RASGRP3: variants seen among roughly 807,000 people sequenced by gnomAD.
RASGRP3 encodes the protein RAS guanyl releasing protein 3.
A neutral mutation model predicts 82.7 loss-of-function variants in RASGRP3; 54 were observed. The observed-to-expected ratio is 0.65, with a 90% CI of 0.52 to 0.82. The LOEUF is 0.82. Among genes scored for constraint, RASGRP3 ranks in the 40% least tolerant of loss-of-function variants. RASGRP3 has a pLI of 0.00. For synonymous variants in RASGRP3, 309 were observed against 300.5 expected (o/e 1.03, Z -0.29); for missense variants, 861 against 828.9 (o/e 1.04, Z -0.48).
At chr2:33,558,384 T>G in intron 16 of RASGRP3, 48 bp downstream of exon 16, 1 of 1,610,958 alleles carries the variant, frequency 6.2e-7, no homozygotes, top group Non-Finnish European at 8.5e-7. Context: ...TCTGCTTGCC[T>G]CCTCACACTT....
chr2:33,456,483 T>C (rs1290343836), intron 2 of RASGRP3, among the ~76,000 whole-genome samples: 1 of 152,224 alleles, frequency 6.6e-6, no homozygotes, highest in African/African-American at 2.4e-5. Context: ...ACATACTTGA[T>C]TTAACAAAGT....
chr2:33,442,374 T>C (rs1274178951), intron 1 of RASGRP3, among the ~76,000 whole-genome samples: 1 of 152,078 alleles, frequency 6.6e-6, no homozygotes, highest in East Asian at 1.9e-4. Flanking sequence ...GAAAAAAAAT[T>C]TCTGGTTGGT....
In RASGRP3 at chr2:33,516,617, C is replaced by T; in HGVS notation, c.146C>T (p.Thr49Ile). 1 of 1,584,164 alleles carries T rather than the reference C, an allele frequency of 6.3e-7. No individual in the cohort carries two copies. Among genetic ancestry groups the T allele is most frequent in the East Asian group, 2.2e-5 (1 of 44,482 alleles). Reference sequence around the variant, plus strand: ...ATGCACCGATGGTATTTATCTTCCACTGAATTGGCAGAAAAACTTCTCTGC... The same window carrying T: ...ATGCACCGATGGTATTTATCTTCCATTGAATTGGCAGAAAAACTTCTCTGC... ...LLMHRWYLSS[T>I]ELAEKLLCMY... The change falls in exon 4 of 18, where the codon ACT becomes ATT. Residue 49 changes from threonine (T) to isoleucine (I), a missense_variant. Thr to Ile is a moderately conservative substitution (Grantham distance 89). Transcript: ENST00000403687.
At chr2:33,473,921 C>T (rs1574278082), upstream of RASGRP3, among the ~76,000 whole-genome samples, 1 of 152,204 alleles carries the variant, frequency 6.6e-6, no homozygotes. Flanking sequence ...AACTGTTCCA[C>T]CTCAGATCAT....
At chr2:33,533,414 T>C (rs1395854717) in intron 10 of RASGRP3, 1 of 152,176 alleles carries the variant, frequency 6.6e-6, no homozygotes, top group Non-Finnish European at 1.5e-5. Flanking sequence ...AGTAATAATA[T>C]AACTAATAAC....
chr2:33,490,694 C>A (rs2150958221), intron 1 of RASGRP3, among the ~76,000 whole-genome samples: 1 of 152,282 alleles, frequency 6.6e-6, no homozygotes, highest in Non-Finnish European at 1.5e-5. Flanking sequence ...TACTTTCTTC[C>A]AGAGCGATCT....
intron 11 of RASGRP3, among the ~76,000 whole-genome samples, 165 bp from the exon 12 acceptor site, chr2:33,538,929 C>T (rs1480509074): frequency 6.6e-6 from 1 of 151,998 alleles, no homozygotes; most frequent in African/African-American, 2.4e-5. Flanking sequence ...GTCCTAGATA[C>T]TTGGGAGGCT....
At chr2:33,531,442 C>T (rs937745597) in intron 10 of RASGRP3, among the ~76,000 whole-genome samples, 3 of 152,118 alleles carry the variant, frequency 2.0e-5, no homozygotes, top group Non-Finnish European at 2.9e-5. Context: ...AGAAGAGATG[C>T]TAGGAGTAAC....
At position 33,479,719 on chromosome 2, in the gene RASGRP3, G is replaced by A. The variant is rs958803759; in HGVS notation, c.-261+3012G>A. 5.3e-5 allele frequency among the ~76,000 whole-genome samples: 8 copies of A among 152,042 alleles called. No individual in the cohort carries two copies. In the East Asian group the frequency reaches 7.7e-4, roughly 15 times the overall value. On this transcript the variant is annotated intron_variant, in intron 1 of 17. Coordinates refer to ENST00000403687, the MANE Select transcript of RASGRP3 (RefSeq NM_001139488.2). ...ATATCTAAAGCTCTGACTGTCTCAC[G>A]GGTGGGCCATAAACCTGTGGATTTT... is the stretch of plus-strand genomic sequence containing the variant.
chr2:33,485,185 T>A (rs1650360117), intron 1 of RASGRP3, among the ~76,000 whole-genome samples: 1 of 151,984 alleles, frequency 6.6e-6, no homozygotes, highest in Non-Finnish European at 1.5e-5. Context: ...GCAACAAGAG[T>A]GAAACTCTGT....
chr2:33,474,598 C>G (rs1427493449), upstream of RASGRP3, among the ~76,000 whole-genome samples: 2 of 152,198 alleles, frequency 1.3e-5, no homozygotes, highest in African/African-American at 4.8e-5. Context: ...CCACAACACC[C>G]AGCTGATAGT....
At position 33,466,679 on chromosome 2, in the gene RASGRP3, C is replaced by CAAA. The variant is rs35826724; in HGVS notation, c.-261+18748_-261+18750dup. Among the ~76,000 whole-genome samples, 90 of 137,450 alleles carry CAAA rather than the reference C, an allele frequency of 6.5e-4. 1 individual carries two copies. In the East Asian group the frequency reaches 0.01, roughly 16 times the overall value. The allele number at this position is 137,450 out of a possible 152,430, so 90.2% of individuals were successfully genotyped here. A position where few individuals can be genotyped will look rare whatever the true frequency, so the allele number is the denominator to read the frequency against. ...GGGCAACAAGAGGGAAACTCTGTATCAAAAAAAAAAAAAAGATTTCAGCGG... is the reference window on the plus strand; with the variant it reads ...GGGCAACAAGAGGGAAACTCTGTATCAAAAAAAAAAAAAAAAAGATTTCAGCGG... On this transcript the variant is annotated intron_variant, in intron 2 of 18. Transcript: ENST00000402538.
At position 33,524,549 on chromosome 2, in the gene RASGRP3, G is replaced by C; in HGVS notation, c.807+1G>C. The C allele has an allele frequency of 1.9e-6, 3 of 1,568,792 alleles. No homozygotes were observed. Among genetic ancestry groups the C allele is most frequent in the Non-Finnish European group, 2.6e-6 (3 of 1,150,560 alleles). ...TCATCTTTCTTCAGAAGTTACAAAGGTATAGTAGACTTGATCCTAATCAAA... is the reference window on the plus strand; with the variant it reads ...TCATCTTTCTTCAGAAGTTACAAAGCTATAGTAGACTTGATCCTAATCAAA... On this transcript the variant is annotated splice_donor_variant, in intron 9 of 17. Transcript: ENST00000403687. LOFTEE classifies it high-confidence loss of function.
chr2:33,515,803 G>A (rs1264383263), intron 3 of RASGRP3, among the ~76,000 whole-genome samples: 4 of 152,088 alleles, frequency 2.6e-5, no homozygotes, highest in African/African-American at 4.8e-5. Flanking sequence ...CACAAAGAAA[G>A]TCAACCCACA....
intron 1 of RASGRP3, among the ~76,000 whole-genome samples, chr2:33,438,434 T>C (rs1243806697): frequency 6.6e-6 from 1 of 152,132 alleles, no homozygotes; most frequent in African/African-American, 2.4e-5. Flanking sequence ...TGGTGGCACA[T>C]GCCTGTAATC....
At chr2:33,446,403 C>T (rs551508658) in intron 1 of RASGRP3, among the ~76,000 whole-genome samples, 39 of 152,140 alleles carry the variant, frequency 2.6e-4, no homozygotes, top group Admixed American at 9.2e-4. Context: ...ATGATCCACC[C>T]GCCTCGGCCT....
chr2:33,527,742 G>C (rs1358777351), intron 10 of RASGRP3, among the ~76,000 whole-genome samples: 2 of 152,096 alleles, frequency 1.3e-5, no homozygotes, highest in African/African-American at 4.8e-5. Flanking sequence ...ACATCCTTCT[G>C]TATGTCCTCC....
At chr2:33,552,003 A>T (rs1259895797) in intron 14 of RASGRP3, among the ~76,000 whole-genome samples, 1 of 120,128 alleles carries the variant, frequency 8.3e-6, no homozygotes, top group East Asian at 2.0e-4. Flanking sequence ...AAAAACAAAC[A>T]AACAAACAAA....
Position 33,564,075 on chromosome 2 carries a change from GT to G in RASGRP3, c.*1339del, listed in dbSNP as rs1253055448. 6.6e-6 allele frequency: 1 copy of G among 152,238 alleles called. No homozygotes were observed. The highest frequency in any genetic ancestry group is 1.9e-4 in the East Asian group (1 of 5,198). The allele number at this position is 152,238 out of a possible 1,614,324, so 9.4% of individuals were successfully genotyped here. On this transcript the variant is annotated 3_prime_UTR_variant, in exon 18 of 18. Coordinates refer to ENST00000403687, the MANE Select transcript of RASGRP3 (RefSeq NM_001139488.2). ...ATGGAATTTGTTTGTATTTGGGGCA[GT>G]CTTCAGTAAAGCCTTTCTCCTTTCT... is the stretch of plus-strand genomic sequence containing the variant.
Sources: gnomAD v4.1 joint callset for allele counts (sites outside exome capture counted in the v4.1 genomes callset) on GRCh38, gnomAD v4.1.1 for gene constraint, MANE v1.5 for transcripts, NCBI Gene and HGNC (gene_info 2026-07-23, HGNC 2026-07-21) for gene names.